Variants in SPRED2 observed in about 807,000 individuals in gnomAD.
The protein encoded by SPRED2 is sprouty related EVH1 domain containing 2.
SPRED2 carries 47 observed loss-of-function variants against 43.0 expected under a neutral mutation model. That is an observed-to-expected ratio of 1.09 (90% CI 0.87 to 1.40). The LOEUF (loss-of-function observed/expected upper bound fraction) is 1.40. Ranked by LOEUF, SPRED2 falls within the 40% of genes most tolerant of loss-of-function variation. The probability of loss-of-function intolerance (pLI) is 0.00; values close to 1 mark genes in which losing one functional copy is unlikely to be tolerated. For missense variants in SPRED2, 561 were observed against 586.4 expected (o/e 0.96, Z 0.45); for synonymous variants, 225 against 225.7 (o/e 1.00, Z 0.03).
intron 1 of SPRED2, among the ~76,000 whole-genome samples, chr2:65,406,446 A>G (rs1172757267): frequency 6.6e-6 from 1 of 152,238 alleles, no homozygotes; most frequent in Non-Finnish European, 1.5e-5. Context: ...CCAATATTTT[A>G]TCCACTCATG....
intron 2 of SPRED2, among the ~76,000 whole-genome samples, chr2:65,338,959 G>A (rs1385499110): frequency 2.6e-5 from 4 of 151,380 alleles, no homozygotes; most frequent in African/African-American, 7.3e-5. Context: ...CGCCCCGTCC[G>A]GGAGGTGAGG....
intron 5 of SPRED2, among the ~76,000 whole-genome samples, chr2:65,314,866 TG>T (rs1673191034): frequency 6.6e-6 from 1 of 152,234 alleles, no homozygotes; most frequent in South Asian, 2.1e-4. Flanking sequence ...CCATGTCATC[TG>T]GTGAGATGCG....
Position 65,344,761 on chromosome 2 carries a change from TCGTC to T in SPRED2, c.158_161del (p.Gly53GlufsTer22). ...GTTCACCATGGATGAGAAAGCCGCT[TCGTC>T]CATTGCCTTCGGGGTGCATGACCTT... is the stretch of plus-strand genomic sequence containing the variant. On this transcript the variant is annotated frameshift_variant, in exon 2 of 6. Coordinates refer to ENST00000356388, the MANE Select transcript of SPRED2 (RefSeq NM_181784.3). LOFTEE classifies it high-confidence loss of function. 1 of 1,614,218 alleles carries T rather than the reference TCGTC, an allele frequency of 6.2e-7. No individual in the cohort carries two copies. Among genetic ancestry groups the T allele is most frequent in the Non-Finnish European group, 8.5e-7 (1 of 1,180,030 alleles).
intron 1 of SPRED2, among the ~76,000 whole-genome samples, chr2:65,411,034 C>T (rs1166258597): frequency 1.3e-5 from 2 of 152,206 alleles, no homozygotes; most frequent in Admixed American, 6.5e-5. Context: ...TGCGCTTGAC[C>T]TACTGCAATT....
chr2:65,317,712 G>T (rs1191438201), intron 4 of SPRED2, among the ~76,000 whole-genome samples: 1 of 152,126 alleles, frequency 6.6e-6, no homozygotes, highest in Non-Finnish European at 1.5e-5. Context: ...TCAGAGGTAA[G>T]GATACCGCTG....
chr2:65,422,135 CTT>C (rs1676444119), intron 1 of SPRED2, among the ~76,000 whole-genome samples: 7 of 146,950 alleles, frequency 4.8e-5, no homozygotes, highest in South Asian at 2.2e-4. Context: ...CTCTCTCTCT[CTT>C]ACCCTCACTC....
In SPRED2 at chr2:65,344,701, T is replaced by C; in HGVS notation, c.204+18A>G. 3 of 1,613,014 alleles carry C rather than the reference T, an allele frequency of 1.9e-6. No homozygotes were observed. Among genetic ancestry groups the C allele is most frequent in the Non-Finnish European group, 2.5e-6 (3 of 1,179,072 alleles). Reference sequence around the variant, plus strand: ...AGTTGTTACTAATTTAACCCACGAGTTGTATGTCTGCCATTACCAGTTTGT... The same window carrying C: ...AGTTGTTACTAATTTAACCCACGAGCTGTATGTCTGCCATTACCAGTTTGT... On this transcript the variant is annotated intron_variant, in intron 2 of 5. Transcript: ENST00000356388.
intron 1 of SPRED2, among the ~76,000 whole-genome samples, chr2:65,364,245 T>C (rs1485830298): frequency 1.3e-5 from 2 of 152,154 alleles, no homozygotes; most frequent in Non-Finnish European, 2.9e-5. Context: ...TTATCTCCAA[T>C]AACAATGAAT....
At chr2:65,409,222 C>CT (rs1430309413) in intron 1 of SPRED2, among the ~76,000 whole-genome samples, 1 of 152,130 alleles carries the variant, frequency 6.6e-6, no homozygotes, top group Non-Finnish European at 1.5e-5. Context: ...GAGGTACTGT[C>CT]TAACACAGTA....
chr2:65,377,177 T>G (rs1675260359), intron 1 of SPRED2, among the ~76,000 whole-genome samples: 1 of 152,232 alleles, frequency 6.6e-6, no homozygotes, highest in African/African-American at 2.4e-5. Flanking sequence ...ATAAATAACC[T>G]TATACATTAG....
At chr2:65,408,593 CTT>C (rs1290413650) in intron 1 of SPRED2, among the ~76,000 whole-genome samples, 11 of 143,922 alleles carry the variant, frequency 7.6e-5, no homozygotes, top group African/African-American at 7.6e-5. Flanking sequence ...TTTTGAAGTT[CTT>C]TTTTTTTTTT....
chr2:65,346,888 A>G (rs1674365235), intron 1 of SPRED2, among the ~76,000 whole-genome samples: 1 of 152,066 alleles, frequency 6.6e-6, no homozygotes, highest in Admixed American at 6.5e-5. Flanking sequence ...CTCCACCATG[A>G]TCCCTGGCCC....
chr2:65,321,226 TGA>T (rs1199887560), intron 4 of SPRED2, among the ~76,000 whole-genome samples: 1 of 152,172 alleles, frequency 6.6e-6, no homozygotes, highest in Admixed American at 6.5e-5. Context: ...CTGTGGACAC[TGA>T]GGCTGGCATT....
At chr2:65,367,626 C>A (rs181295042) in intron 1 of SPRED2, among the ~76,000 whole-genome samples, 10 of 152,220 alleles carry the variant, frequency 6.6e-5, no homozygotes, top group Admixed American at 3.9e-4. Flanking sequence ...ATGTATCCTG[C>A]GGCTGTTGTG....
rs145475510 is a variant in SPRED2, at chr2:65,364,843, TA to T, written c.27-19948del. ...GAAATTAGTTATTCTGTCTTTAAAA[TA>T]AAACAAAATTAATGTATATTTTTCT... On this transcript the variant is annotated intron_variant, in intron 1 of 5. Coordinates refer to ENST00000356388, the MANE Select transcript of SPRED2 (RefSeq NM_181784.3). Among the ~76,000 whole-genome samples, 419 of 152,256 alleles carry T rather than the reference TA, an allele frequency of 2.8e-3. 3 individuals carry two copies. Among genetic ancestry groups the T allele is most frequent in the African/African-American group, 9.2e-3 (383 of 41,562 alleles).
chr2:65,358,897 C>T (rs532353229), intron 1 of SPRED2, among the ~76,000 whole-genome samples: 2 of 152,270 alleles, frequency 1.3e-5, no homozygotes, highest in South Asian at 4.1e-4. Context: ...GGGTTTTGGC[C>T]AAGGGCTTTC....
chr2:65,409,295 T>C (rs1455284578), intron 1 of SPRED2, among the ~76,000 whole-genome samples: 1 of 152,164 alleles, frequency 6.6e-6, no homozygotes, highest in East Asian at 1.9e-4. Context: ...AATTATAACA[T>C]ACAAGCGGCA....
At chr2:65,351,355 G>A (rs1185020184) in intron 1 of SPRED2, among the ~76,000 whole-genome samples, 1 of 152,162 alleles carries the variant, frequency 6.6e-6, no homozygotes, top group Non-Finnish European at 1.5e-5. Context: ...TTCAGGGATG[G>A]AGACTGGGAC....
At chr2:65,362,998 A>ATGTTT (rs1558669511) in intron 1 of SPRED2, among the ~76,000 whole-genome samples, 5 of 102,156 alleles carry the variant, frequency 4.9e-5, no homozygotes, top group Admixed American at 3.4e-4. Flanking sequence ...TATGGTCATC[A>ATGTTT]TGTTTTGTTT....
Sources: allele counts gnomAD v4.1 joint callset (sites outside exome capture counted in the v4.1 genomes callset), GRCh38; gene constraint gnomAD v4.1.1; transcripts MANE v1.5; gene names NCBI Gene and HGNC (gene_info 2026-07-23, HGNC 2026-07-21).